The following TRAPPC9 variants were observed in gnomAD, a reference collection of about 807,000 sequenced individuals.
TRAPPC9 encodes IKK2 binding protein.
In TRAPPC9, 83 loss-of-function variants were observed where a neutral mutation model predicts 124.0. That is an observed-to-expected ratio of 0.67 (90% CI 0.56 to 0.80). The LOEUF (loss-of-function observed/expected upper bound fraction) is 0.80, where lower values mean the gene tolerates loss of function less well. Ranked by LOEUF, TRAPPC9 falls within the 30% of genes least tolerant of loss-of-function variation. The probability of loss-of-function intolerance (pLI) is 0.00; values close to 1 mark genes in which losing one functional copy is unlikely to be tolerated. For synonymous variants in TRAPPC9, 638 were observed against 617.5 expected, an observed-to-expected ratio of 1.03 and a Z score of -0.49; for missense variants, 1,302 against 1,508.3, an observed-to-expected ratio of 0.86 and a Z score of 2.27.
At chr8:140,131,202 C>T (rs372766335) in intron 17 of TRAPPC9, among the ~76,000 whole-genome samples, 2 of 152,064 alleles carry the variant, frequency 1.3e-5, no homozygotes, top group African/African-American at 2.4e-5. Context: ...TCAGTATGCA[C>T]GTCAGGTTTT....
chr8:139,929,457 C>T (rs1185749424), intron 19 of TRAPPC9, among the ~76,000 whole-genome samples: 6 of 151,926 alleles, frequency 3.9e-5, no homozygotes, highest in Admixed American at 2.6e-4. Flanking sequence ...GGGAGGGGGC[C>T]GAGCGTGGTG....
At chr8:139,801,443 G>A (rs1468583454) in intron 21 of TRAPPC9, among the ~76,000 whole-genome samples, 1 of 152,214 alleles carries the variant, frequency 6.6e-6, no homozygotes, top group Non-Finnish European at 1.5e-5. Flanking sequence ...GGGGCCCAGG[G>A]AGCCCATGCC....
chr8:140,023,538 C>A (rs1839940752), intron 18 of TRAPPC9, among the ~76,000 whole-genome samples: 1 of 152,186 alleles, frequency 6.6e-6, no homozygotes, highest in Admixed American at 6.5e-5. Context: ...AGGAATGATG[C>A]AGAAGAGATG....
intron 19 of TRAPPC9, among the ~76,000 whole-genome samples, chr8:139,935,108 A>G (rs1253428987): frequency 1.3e-5 from 2 of 152,164 alleles, no homozygotes; most frequent in Non-Finnish European, 2.9e-5. Context: ...GGGAGCCCCG[A>G]AAGACCAGAC....
chr8:139,987,146 C>T (rs185653803), intron 19 of TRAPPC9, among the ~76,000 whole-genome samples: 103 of 152,304 alleles, frequency 6.8e-4, no homozygotes, highest in African/African-American at 2.3e-3. Context: ...TGTAAGAAAA[C>T]ACCGCCATTT....
At chr8:139,767,453 G>C (rs1286129748) in intron 21 of TRAPPC9, among the ~76,000 whole-genome samples, 3 of 152,180 alleles carry the variant, frequency 2.0e-5, no homozygotes, top group African/African-American at 7.2e-5. Context: ...CCGTCCTCAC[G>C]AGGGCTCCGT....
chr8:140,404,364 T>C (rs2069395695), intron 6 of TRAPPC9, among the ~76,000 whole-genome samples: 2 of 152,250 alleles, frequency 1.3e-5, no homozygotes, highest in South Asian at 4.2e-4. Flanking sequence ...AGAGAATAAT[T>C]AAGCAAATTA....
chr8:140,150,766 G>A (rs1302881943), intron 17 of TRAPPC9, among the ~76,000 whole-genome samples: 1 of 152,146 alleles, frequency 6.6e-6, no homozygotes, highest in Non-Finnish European at 1.5e-5. Flanking sequence ...TCAAGGGTCC[G>A]GGGACCCAGA....
At chr8:140,130,904 C>T (rs2061198573) in intron 17 of TRAPPC9, among the ~76,000 whole-genome samples, 1 of 152,126 alleles carries the variant, frequency 6.6e-6, no homozygotes, top group Non-Finnish European at 1.5e-5. Context: ...CAGTGTAAAA[C>T]ATTTAGGAAA....
At chr8:139,844,152 G>A (rs1826914387) in intron 21 of TRAPPC9, among the ~76,000 whole-genome samples, 1 of 152,218 alleles carries the variant, frequency 6.6e-6, no homozygotes, top group Non-Finnish European at 1.5e-5. Context: ...TTTCATCAAG[G>A]AAACCTCCTC....
At chr8:139,843,671 C>T (rs1360498115) in intron 21 of TRAPPC9, among the ~76,000 whole-genome samples, 1 of 152,180 alleles carries the variant, frequency 6.6e-6, no homozygotes, top group Non-Finnish European at 1.5e-5. Flanking sequence ...CTGGACCAGC[C>T]ACTGCTGGCT....
chr8:140,291,251 C>G, intron 11 of TRAPPC9, 173 bp from the exon 12 acceptor site: 2 of 690,034 alleles, frequency 2.9e-6, no homozygotes, highest in Non-Finnish European at 5.2e-6. Context: ...TTCTCTGAAA[C>G]AAAGCAAGGT....
intron 19 of TRAPPC9, chr8:139,932,348 TG>T (rs1833214124): frequency 2.2e-6 from 1 of 457,804 alleles, no homozygotes; most frequent in Non-Finnish European, 4.4e-6. Context: ...CCACGGGACC[TG>T]AGCAGAGTGA....
chr8:140,377,491 G>A (rs2068477392), intron 7 of TRAPPC9, among the ~76,000 whole-genome samples: 1 of 152,074 alleles, frequency 6.6e-6, no homozygotes, highest in African/African-American at 2.4e-5. Flanking sequence ...TAGAGACAGG[G>A]TTTCGTCATG....
chr8:140,103,561 A>C (rs778638718), intron 17 of TRAPPC9, among the ~76,000 whole-genome samples: 3 of 152,206 alleles, frequency 2.0e-5, no homozygotes, highest in African/African-American at 4.8e-5. Context: ...CCAACCGCAA[A>C]GAATTATCTA....
chr8:139,844,334 AG>A (rs1347319328), intron 21 of TRAPPC9, among the ~76,000 whole-genome samples: 1 of 152,206 alleles, frequency 6.6e-6, no homozygotes, highest in African/African-American at 2.4e-5. Context: ...TGGCAGGAGA[AG>A]GGGGTCAAAC....
In TRAPPC9 at chr8:140,247,757, G is replaced by A. The variant is rs138918437; in HGVS notation, c.2431+5020C>T. The stretch of plus-strand genomic sequence containing the variant: ...CTTTCTCTTTAATCATCTTTCTCTC[G>A]ATTCTTTTTTCTTCTCTCTTTTCAT... On this transcript the variant is annotated intron_variant, in intron 16 of 22. Transcript: ENST00000438773. Among the ~76,000 whole-genome samples, 7 of 151,658 alleles carry A rather than the reference G, an allele frequency of 4.6e-5. No individual in the cohort carries two copies. The East Asian group carries it at 1.2e-3, about 25-fold the overall frequency.
chr8:140,161,883 A>C lies in TRAPPC9; in HGVS notation c.2556+59576T>G, dbSNP rs568546353. On this transcript the variant is annotated intron_variant, in intron 17 of 22. Transcript: ENST00000438773. ...CAGAGCAGGCCACCAGGATACCCAG[A>C]GCAGCGGCATGGTGCAGAGACACAC... 3.4e-4 allele frequency among the ~76,000 whole-genome samples: 52 copies of C among 152,216 alleles called. 1 individual carries two copies. The South Asian group carries it at 9.1e-3, about 27-fold the overall frequency.
intron 21 of TRAPPC9, among the ~76,000 whole-genome samples, chr8:139,744,646 C>T (rs866535403): frequency 4.6e-5 from 7 of 152,206 alleles, no homozygotes; most frequent in South Asian, 2.1e-4. Flanking sequence ...GCTGGAGCTT[C>T]GCTCTCAATC....
Sources: allele counts gnomAD v4.1 joint callset (sites outside exome capture counted in the v4.1 genomes callset), GRCh38; gene constraint gnomAD v4.1.1; transcripts MANE v1.5; gene names NCBI Gene and HGNC (gene_info 2026-07-23, HGNC 2026-07-21).